TRAPPC12: variants seen among roughly 807,000 people sequenced by gnomAD.
TRAPPC12 encodes the protein TPR repeat protein 15.
TRAPPC12 carries 61 observed loss-of-function variants against 69.2 expected under a neutral mutation model. The ratio of observed to expected loss-of-function variants is 0.88; its 90% confidence interval spans 0.72 to 1.09. TRAPPC12 has a LOEUF of 1.09. Among genes scored for constraint, TRAPPC12 ranks in the 50% least tolerant of loss-of-function variants. The pLI, the probability that TRAPPC12 is intolerant of heterozygous loss-of-function variation, is 0.00. For missense variants in TRAPPC12, 1,101 were observed against 1,016.4 expected, an observed-to-expected ratio of 1.08 and a Z score of -1.13; for synonymous variants, 469 against 438.9, an observed-to-expected ratio of 1.07 and a Z score of -0.86.
At chr2:3,401,656 GT>G in intron 2 of TRAPPC12, 120 bp from the exon 3 acceptor site, 1 of 540,514 alleles carries the variant, frequency 1.9e-6, no homozygotes, top group Non-Finnish European at 3.2e-6. Flanking sequence ...TACTATAACC[GT>G]TACTTTTACC....
chr2:3,431,339 A>G (rs993237875), intron 5 of TRAPPC12, among the ~76,000 whole-genome samples: 7 of 152,226 alleles, frequency 4.6e-5, no homozygotes, highest in African/African-American at 1.7e-4. Flanking sequence ...GCACCTCAGC[A>G]TCTGCAGGGA....
At chr2:3,435,364 T>A (rs993171732) in intron 5 of TRAPPC12, among the ~76,000 whole-genome samples, 2 of 152,210 alleles carry the variant, frequency 1.3e-5, no homozygotes, top group Non-Finnish European at 2.9e-5. Context: ...TCATTAACAT[T>A]TTTTTAAATA....
rs1458103297 is a variant in TRAPPC12 at position 3,439,742 on chromosome 2, T to C, written c.1418-4037T>C. Among the ~76,000 whole-genome samples, 8 of 152,350 alleles carry C rather than the reference T, an allele frequency of 5.3e-5. No individual in the cohort carries two copies. In the East Asian group the frequency reaches 1.4e-3, roughly 26 times the overall value. ...CTTTCATGGATGGTGTTTTTGGTGT[T>C]GTATCTAAAAGATTATCAGCAAACC... is the stretch of plus-strand genomic sequence containing the variant. On this transcript the variant is annotated intron_variant, in intron 5 of 11. Coordinates refer to ENST00000324266, the MANE Select transcript of TRAPPC12 (RefSeq NM_016030.6).
At chr2:3,425,280 G>A (rs1663040186) in intron 5 of TRAPPC12, among the ~76,000 whole-genome samples, 1 of 152,182 alleles carries the variant, frequency 6.6e-6, no homozygotes, top group South Asian at 2.1e-4. Flanking sequence ...TCTTGGTGGA[G>A]AACCTCATAA....
intron 2 of TRAPPC12, among the ~76,000 whole-genome samples, chr2:3,395,120 A>G (rs1333853408): frequency 1.3e-5 from 2 of 152,362 alleles, no homozygotes; most frequent in African/African-American, 4.8e-5. Flanking sequence ...AAGTGGGCAC[A>G]GTATTTCATG....
chr2:3,403,526 C>G (rs538950632), intron 3 of TRAPPC12, among the ~76,000 whole-genome samples: 12 of 152,164 alleles, frequency 7.9e-5, no homozygotes, highest in African/African-American at 1.4e-4. Flanking sequence ...CCACCGCACC[C>G]GACCAGATTT....
intron 5 of TRAPPC12, among the ~76,000 whole-genome samples, chr2:3,431,779 T>C (rs531224110): frequency 3.9e-5 from 6 of 152,330 alleles, no homozygotes; most frequent in Non-Finnish European, 8.8e-5. Context: ...CCAGTATTGG[T>C]ACAGCATTAT....
At chr2:3,412,549 A>G (rs1662122674) in intron 3 of TRAPPC12, among the ~76,000 whole-genome samples, 1 of 152,206 alleles carries the variant, frequency 6.6e-6, no homozygotes, top group Non-Finnish European at 1.5e-5. Context: ...TGACAACAGC[A>G]AAACTCCGTC....
intron 5 of TRAPPC12, among the ~76,000 whole-genome samples, chr2:3,428,074 G>A (rs1445822892): frequency 3.9e-5 from 6 of 152,170 alleles, no homozygotes; most frequent in Non-Finnish European, 7.3e-5. Flanking sequence ...TTAAGATAGC[G>A]AATGAAAATC....
rs1665231689 is a variant in TRAPPC12, at chr2:3,457,631, A to G, written c.1541A>G (p.Asn514Ser). Residue 514 changes from asparagine (N) to serine (S), a missense_variant, in exon 7 of 12, where the codon AAT (asparagine) becomes AGT (serine). By Grantham distance (46) the Asn-to-Ser change is conservative. Transcript: ENST00000324266. Reference sequence around the variant, plus strand: ...TTGGAATGATTGCAGATCCTGGCCAATTTGGAGCAAGGCTTAGCAGAAGAC... The same window carrying G: ...TTGGAATGATTGCAGATCCTGGCCAGTTTGGAGCAAGGCTTAGCAGAAGAC... ...VKTVCSKILA[N>S]LEQGLAEDGG... The G allele has an allele frequency of 1.2e-6, 2 of 1,612,850 alleles. No homozygotes were observed. Among genetic ancestry groups the G allele is most frequent in the Non-Finnish European group, 1.7e-6 (2 of 1,179,984 alleles).
intron 5 of TRAPPC12, among the ~76,000 whole-genome samples, chr2:3,432,049 G>A (rs72765400): frequency 0.27 from 41,548 of 152,054 alleles, 5,849 homozygotes; most frequent in East Asian, 0.41. Flanking sequence ...TTCTGCATTA[G>A]ATTGCTCACT....
intron 9 of TRAPPC12, among the ~76,000 whole-genome samples, chr2:3,471,260 G>A (rs371082257): frequency 1.3e-5 from 2 of 152,140 alleles, no homozygotes; most frequent in East Asian, 1.9e-4. Flanking sequence ...TCACCTGTTC[G>A]GTTTGTGTGC....
chr2:3,408,963 T>C (rs923517983), intron 3 of TRAPPC12, among the ~76,000 whole-genome samples: 1 of 152,152 alleles, frequency 6.6e-6, no homozygotes, highest in Non-Finnish European at 1.5e-5. Flanking sequence ...CGCGGCCCGC[T>C]GCGGCACAGA....
intron 2 of TRAPPC12, among the ~76,000 whole-genome samples, chr2:3,390,537 CAATGGA>C (rs563777328): frequency 3.9e-5 from 6 of 152,070 alleles, no homozygotes; most frequent in Non-Finnish European, 8.8e-5. Flanking sequence ...CTCATCTTTG[CAATGGA>C]ATATTTATGT....
In TRAPPC12 at chr2:3,387,632, C is replaced by A; in HGVS notation, c.9C>A (p.Asp3Glu). The part of the protein sequence containing the change: ME[D>E]AGGGEETPAP... Reference sequence around the variant, plus strand: ...TCTTTGCTTTCAGGGTCATGGAGGACGCTGGCGGCGGCGAGGAGACCCCGG... The same window carrying A: ...TCTTTGCTTTCAGGGTCATGGAGGAAGCTGGCGGCGGCGAGGAGACCCCGG... Residue 3 changes from aspartate (D) to glutamate (E), a missense_variant, in exon 2 of 12, where the codon GAC becomes GAA. Coordinates refer to ENST00000324266, the MANE Select transcript of TRAPPC12 (RefSeq NM_016030.6). 6.5e-7 allele frequency: 1 copy of A among 1,541,128 alleles called. No individual in the cohort carries two copies. The highest frequency in any genetic ancestry group is 1.2e-5 in the South Asian group (1 of 83,248).
chr2:3,389,246 CCT>C lies in TRAPPC12; in HGVS notation c.1047+582_1047+583del, dbSNP rs1025671447. Among the ~76,000 whole-genome samples, 15 of 152,376 alleles carry C rather than the reference CCT, an allele frequency of 9.8e-5. No individual in the cohort carries two copies. In the South Asian group the frequency reaches 2.3e-3, roughly 23 times the overall value. On this transcript the variant is annotated intron_variant, in intron 2 of 11. Transcript: ENST00000324266. The stretch of plus-strand genomic sequence containing the variant: ...GTGGTCGGCGATGCCCCTGCCCAGG[CCT>C]CTCTCGGCCCAGGTTCGCCCACTAG...
intron 9 of TRAPPC12, among the ~76,000 whole-genome samples, chr2:3,474,148 C>T (rs569969293): frequency 2.6e-5 from 4 of 152,316 alleles, no homozygotes; most frequent in African/African-American, 9.6e-5. Flanking sequence ...CTCTCCCCCA[C>T]CCCTCAGTGC....
At chr2:3,410,971 A>G (rs1454710649) in intron 3 of TRAPPC12, among the ~76,000 whole-genome samples, 5 of 152,220 alleles carry the variant, frequency 3.3e-5, no homozygotes, top group Non-Finnish European at 5.9e-5. Flanking sequence ...CGGAGGTTGC[A>G]GTGAGCCAAG....
intron 5 of TRAPPC12, 55 bp from the exon 6 acceptor site, chr2:3,443,724 T>C (rs1441334019): frequency 1.4e-6 from 2 of 1,399,998 alleles, no homozygotes; most frequent in Admixed American, 3.4e-5. Context: ...GTGCCAAGTA[T>C]GAATGCGTGC....
Sources: allele counts gnomAD v4.1 joint callset (sites outside exome capture counted in the v4.1 genomes callset), GRCh38; gene constraint gnomAD v4.1.1; transcripts MANE v1.5; gene names NCBI Gene and HGNC (gene_info 2026-07-23, HGNC 2026-07-21).